The following CFAP47 variants were observed in gnomAD, a reference collection of about 807,000 sequenced individuals.
CFAP47 encodes cilia- and flagella-associated protein 47.
A neutral mutation model predicts 148.1 loss-of-function variants in CFAP47; 29 were observed. The ratio of observed to expected loss-of-function variants is 0.20; its 90% confidence interval spans 0.15 to 0.27. The LOEUF is 0.27. Ranked by LOEUF, CFAP47 falls within the 10% of genes least tolerant of loss-of-function variation. The probability of loss-of-function intolerance (pLI) is 1.00; values close to 1 mark genes in which losing one functional copy is unlikely to be tolerated. For synonymous variants in CFAP47, 664 were observed against 577.3 expected (o/e 1.15, Z -2.15); for missense variants, 1,872 against 1,697.5 (o/e 1.10, Z -1.81).
intron 15 of CFAP47, 146 bp from the exon 16 acceptor site, chrX:35,989,169 CACTT>C: frequency 2.2e-6 from 1 of 462,042 alleles, no homozygotes. Flanking sequence ...GATAATATCT[CACTT>C]AGCATTTTTC....
At chrX:36,173,749 G>T (rs902033193) in intron 39 of CFAP47, among the ~76,000 whole-genome samples, 3 of 111,282 alleles carry the variant, frequency 2.7e-5, no homozygotes, top group Admixed American at 9.6e-5. Context: ...ATAGGTGTTG[G>T]GTGGTGCTGA....
At chrX:36,117,776 G>A (rs767897732) in intron 33 of CFAP47, among the ~76,000 whole-genome samples, 18 of 111,116 alleles carry the variant, frequency 1.6e-4, no homozygotes, top group South Asian at 7.5e-4. Context: ...ATTATGCTTC[G>A]GTTGCCTGTG....
intron 59 of CFAP47, among the ~76,000 whole-genome samples, chrX:36,353,223 C>T (rs1941757650): frequency 1.8e-5 from 2 of 110,468 alleles, no homozygotes; most frequent in African/African-American, 6.6e-5. Flanking sequence ...GATCTAACTA[C>T]ATCAGTTCCC....
At chrX:36,333,396 T>A (rs1941580334) in intron 57 of CFAP47, among the ~76,000 whole-genome samples, 1 of 111,066 alleles carries the variant, frequency 9.0e-6, no homozygotes, top group Admixed American at 9.7e-5. Context: ...CTTCTTTCCC[T>A]ACAGCCTTTC....
chrX:36,103,468 C>G (rs1218307515), intron 32 of CFAP47, among the ~76,000 whole-genome samples: 1 of 94,234 alleles, frequency 1.1e-5, no homozygotes, highest in Non-Finnish European at 2.1e-5. Flanking sequence ...TCCTACCTTG[C>G]CCTCTGTGAG....
At chrX:36,227,666 G>A (rs1940286290) in intron 45 of CFAP47, among the ~76,000 whole-genome samples, 1 of 112,056 alleles carries the variant, frequency 8.9e-6, no homozygotes, top group Admixed American at 9.5e-5. Flanking sequence ...GTCATAATAT[G>A]TGTCTGGCCA....
chrX:35,993,521 A>G (rs1282798985), intron 18 of CFAP47, among the ~76,000 whole-genome samples, 200 bp downstream of exon 18: 1 of 112,341 alleles, frequency 8.9e-6, no homozygotes, highest in Non-Finnish European at 1.9e-5. Flanking sequence ...CAAAAAGTAT[A>G]TTATTTTTCT....
At chrX:36,316,968 A>G (rs1276464908) in intron 56 of CFAP47, among the ~76,000 whole-genome samples, 1 of 111,136 alleles carries the variant, frequency 9.0e-6, no homozygotes, top group African/African-American at 3.3e-5. Context: ...CGTATTTTTT[A>G]TAGGGACGAA....
At chrX:36,089,871 G>A (rs1220870998) in intron 30 of CFAP47, among the ~76,000 whole-genome samples, 2 of 111,620 alleles carry the variant, frequency 1.8e-5, no homozygotes, top group South Asian at 3.8e-4. Context: ...CGTGAATCAC[G>A]TGACATATAG....
chrX:35,938,840 T>A (rs1471594594), intron 2 of CFAP47, among the ~76,000 whole-genome samples: 1 of 111,988 alleles, frequency 8.9e-6, no homozygotes, highest in East Asian at 2.8e-4. Context: ...CTTTTAATGT[T>A]GATGAAAGAA....
Position 36,270,821 on chromosome X carries a change from C to T in CFAP47, c.7445-9666C>T, listed in dbSNP as rs782364917. On this transcript the variant is annotated intron_variant, in intron 49 of 63. Coordinates refer to ENST00000378653, the MANE Select transcript of CFAP47 (RefSeq NM_001304548.2). ...AAACTTTTCCCCAGTCTGCAACTTG[C>T]CTTTTTTTCTTCATGATGTCTATTG... 2.6e-4 allele frequency among the ~76,000 whole-genome samples: 28 copies of T among 108,440 alleles called. No individual in the cohort carries two copies. The East Asian group carries it at 6.1e-3, about 23-fold the overall frequency. 94.2% of individuals were successfully genotyped at this position (108,440 alleles called of 115,157 possible). A position where few individuals can be genotyped will look rare whatever the true frequency, so the allele number is the denominator to read the frequency against.
chrX:36,298,713 A>G (rs1019194913), intron 51 of CFAP47, among the ~76,000 whole-genome samples: 1 of 111,594 alleles, frequency 9.0e-6, no homozygotes, highest in Non-Finnish European at 1.9e-5. Flanking sequence ...GTAATTTTAC[A>G]AATAGTTTTC....
At chrX:35,948,786 G>GGT (rs112888014) in intron 4 of CFAP47, among the ~76,000 whole-genome samples, 19,453 of 107,937 alleles carry the variant, frequency 0.18, 1,616 homozygotes, top group African/African-American at 0.28. Flanking sequence ...TGTGATTTGG[G>GGT]GTGTGTGTGT....
chrX:36,018,483 A>T (rs1450156636), intron 22 of CFAP47, among the ~76,000 whole-genome samples: 1 of 111,921 alleles, frequency 8.9e-6, no homozygotes, highest in Non-Finnish European at 1.9e-5. Context: ...TGGGTCTGTC[A>T]TGTATGACTT....
intron 51 of CFAP47, among the ~76,000 whole-genome samples, chrX:36,294,651 G>T (rs1007121240): frequency 1.8e-5 from 2 of 110,902 alleles, no homozygotes; most frequent in Admixed American, 9.7e-5. Context: ...GGCGGAGCTT[G>T]CAGTGAGCCG....
At chrX:36,295,534 A>C (rs782743594) in intron 51 of CFAP47, among the ~76,000 whole-genome samples, 4 of 112,167 alleles carry the variant, frequency 3.6e-5, no homozygotes, top group African/African-American at 1.3e-4. Flanking sequence ...CATTTCTGTA[A>C]TCATATAGCT....
chrX:36,228,960 T>C (rs1940304149), intron 46 of CFAP47, 136 bp downstream of exon 46: 1 of 429,152 alleles, frequency 2.3e-6, no homozygotes, highest in South Asian at 3.8e-5. Flanking sequence ...TTCATATTTA[T>C]GTCAGAATCT....
chrX:36,004,556 C>T (rs1306796470), intron 21 of CFAP47, among the ~76,000 whole-genome samples: 1 of 110,443 alleles, frequency 9.1e-6, no homozygotes, highest in Non-Finnish European at 1.9e-5. Context: ...TATCCATACT[C>T]TATAATATTA....
intron 2 of CFAP47, among the ~76,000 whole-genome samples, chrX:35,940,522 T>C (rs1258665229): frequency 1.8e-5 from 2 of 111,369 alleles, no homozygotes; most frequent in Non-Finnish European, 3.8e-5. Flanking sequence ...CTTTATATGC[T>C]GTGGTGTGTA....
Sources: gnomAD v4.1 joint callset for allele counts (sites outside exome capture counted in the v4.1 genomes callset) on GRCh38, gnomAD v4.1.1 for gene constraint, MANE v1.5 for transcripts, NCBI Gene and HGNC (gene_info 2026-07-23, HGNC 2026-07-21) for gene names.